Variants in CFAP97 observed in about 807,000 individuals in gnomAD.
The protein encoded by CFAP97 is cilia and flagella associated protein 97, also known as cilia- and flagella-associated protein 97.
A neutral mutation model predicts 43.1 loss-of-function variants in CFAP97; 36 were observed. The observed-to-expected ratio is 0.84, with a 90% confidence interval of 0.64 to 1.10. The LOEUF (loss-of-function observed/expected upper bound fraction) is 1.10. CFAP97 is among the 50% of genes least tolerant of loss of function. The pLI is 0.00. For missense variants in CFAP97, 657 were observed against 620.3 expected, an observed-to-expected ratio of 1.06 and a Z score of -0.63; for synonymous variants, 228 against 225.7, an observed-to-expected ratio of 1.01 and a Z score of -0.09.
chr4:185,192,733 C>CTTTTTTT (rs760026667), intron 1 of CFAP97, among the ~76,000 whole-genome samples: 53 of 81,416 alleles, frequency 6.5e-4, no homozygotes, highest in African/African-American at 1.6e-3. Flanking sequence ...AATTGACCTT[C>CTTTTTTT]TTTTTTTTTT....
rs149743568 is a variant in CFAP97 at position 185,196,057 on chromosome 4, C to T, written c.-16-4845G>A. Among the ~76,000 whole-genome samples, 25 of 152,234 alleles carry T rather than the reference C, an allele frequency of 1.6e-4. 1 individual carries two copies. Among genetic ancestry groups the T allele is most frequent in the African/African-American group, 4.8e-4 (20 of 41,548 alleles). Reference sequence around the variant, plus strand: ...TGTTTCTTCAAATTTCAAAAGTAAACGGTTTAATAGCATAGCCCAGAGCAA... The same window carrying T: ...TGTTTCTTCAAATTTCAAAAGTAAATGGTTTAATAGCATAGCCCAGAGCAA... On this transcript the variant is annotated intron_variant, in intron 1 of 4. Transcript: ENST00000458385.
Position 185,164,103 on chromosome 4 carries a change from C to T in CFAP97, c.1397G>A (p.Arg466His), listed in dbSNP as rs777547282. ...TGATGAGTTGAGATAGCCCATATTG[C>T]GATGATAGTCCATCAGTTGTTCTGA... is the stretch of plus-strand genomic sequence containing the variant. ...KRSEQLMDYH[R>H]NMGYLNSSPL... Residue 466 changes from arginine (R) to histidine (H), a missense_variant, in exon 4 of 5, where the codon CGC becomes CAC. Coordinates refer to ENST00000458385, the MANE Select transcript of CFAP97 (RefSeq NM_020827.3). 1.4e-5 allele frequency: 23 copies of T among 1,613,874 alleles called. No homozygotes were observed. The African/African-American group carries it at 2.8e-4, about 20-fold the overall frequency.
intron 1 of CFAP97, among the ~76,000 whole-genome samples, chr4:185,192,571 T>C (rs183351888): frequency 2.0e-5 from 3 of 152,050 alleles, no homozygotes; most frequent in South Asian, 2.1e-4. Context: ...TAATACTCCA[T>C]ACAGTTAAAT....
chr4:185,206,216 T>C (rs1453464624), upstream of CFAP97, among the ~76,000 whole-genome samples: 2 of 152,198 alleles, frequency 1.3e-5, no homozygotes, highest in African/African-American at 4.8e-5. Context: ...CCCATGTTCA[T>C]AGCAGAATAG....
intron 1 of CFAP97, 92 bp from the exon 2 acceptor site, chr4:185,191,304 AGTGT>A (rs1464412876): frequency 1.1e-6 from 1 of 914,142 alleles, no homozygotes; most frequent in East Asian, 2.8e-5. Flanking sequence ...CAAACTGACA[AGTGT>A]GTTTAATATA....
chr4:185,197,660 T>G (rs1482110571), intron 1 of CFAP97, among the ~76,000 whole-genome samples: 4 of 152,170 alleles, frequency 2.6e-5, no homozygotes, highest in Non-Finnish European at 5.9e-5. Context: ...TCTCCTGACC[T>G]CGGGATCCGC....
chr4:185,193,230 T>A (rs1041512800), intron 1 of CFAP97, among the ~76,000 whole-genome samples: 1 of 152,124 alleles, frequency 6.6e-6, no homozygotes, highest in Non-Finnish European at 1.5e-5. Flanking sequence ...ACTGTCCAAG[T>A]TGGACAATTC....
upstream of CFAP97, among the ~76,000 whole-genome samples, chr4:185,206,329 G>A (rs116813891): frequency 7.0e-4 from 106 of 152,262 alleles, no homozygotes; most frequent in African/African-American, 9.4e-4. Flanking sequence ...TGACTTGTGC[G>A]CCTCTGGTCC....
intron 3 of CFAP97, 76 bp downstream of exon 3, chr4:185,175,710 T>C: frequency 7.2e-7 from 1 of 1,390,038 alleles, no homozygotes; most frequent in Admixed American, 1.9e-5. Flanking sequence ...TGGCTGTATT[T>C]AGGTTTCCTG....
intron 1 of CFAP97, among the ~76,000 whole-genome samples, chr4:185,193,701 AT>A (rs1331554217): frequency 6.6e-6 from 1 of 152,154 alleles, no homozygotes; most frequent in Non-Finnish European, 1.5e-5. Context: ...CTATATTCAT[AT>A]TATAATTAAT....
At chr4:185,189,316 TCTA>T (rs1405113860) in intron 2 of CFAP97, among the ~76,000 whole-genome samples, 1 of 152,206 alleles carries the variant, frequency 6.6e-6, no homozygotes, top group Non-Finnish European at 1.5e-5. Flanking sequence ...TTGACCATTT[TCTA>T]CTAACAAGGT....
At chr4:185,171,672 G>GA (rs1340120822) in intron 3 of CFAP97, among the ~76,000 whole-genome samples, 1 of 152,118 alleles carries the variant, frequency 6.6e-6, no homozygotes, top group Non-Finnish European at 1.5e-5. Context: ...TGCTCATTCG[G>GA]AAAAAAGTTC....
chr4:185,197,876 T>A (rs969749032), intron 1 of CFAP97, among the ~76,000 whole-genome samples: 2 of 152,182 alleles, frequency 1.3e-5, no homozygotes, highest in Non-Finnish European at 2.9e-5. Flanking sequence ...TTGCACCAGT[T>A]AGCCAAGTTG....
chr4:185,159,742 G>GA lies in CFAP97; in HGVS notation c.*3055dup, dbSNP rs1734810526. 2.0e-5 allele frequency: 3 copies of GA among 152,150 alleles called. No homozygotes were observed. In the South Asian group the frequency reaches 6.2e-4, roughly 32 times the overall value. 9.4% of individuals were successfully genotyped at this position (152,150 alleles called of 1,614,324 possible). A position where few individuals can be genotyped will look rare whatever the true frequency, so the allele number is the denominator to read the frequency against. ...GCCTAAAATACATTAAAATGGAACA[G>GA]AAAATCTTAAAAGGATGTTAATTTT... On this transcript the variant is annotated 3_prime_UTR_variant, in exon 5 of 5. Coordinates refer to ENST00000458385, the MANE Select transcript of CFAP97 (RefSeq NM_020827.3).
intron 2 of CFAP97, among the ~76,000 whole-genome samples, chr4:185,189,094 A>G (rs1406498307): frequency 6.6e-6 from 1 of 152,130 alleles, no homozygotes; most frequent in Non-Finnish European, 1.5e-5. Flanking sequence ...AATATTAGCC[A>G]GGTGTGGTGG....
At chr4:185,192,772 G>T (rs1165687745) in intron 1 of CFAP97, among the ~76,000 whole-genome samples, 1 of 109,060 alleles carries the variant, frequency 9.2e-6, no homozygotes, top group African/African-American at 4.2e-5. Flanking sequence ...ACGGAGTCTC[G>T]CTCTGTCACC....
At position 185,160,160 on chromosome 4, in the gene CFAP97, C is replaced by G. The variant is rs950398683; in HGVS notation, c.*2638G>C. The G allele has an allele frequency of 6.6e-6, 1 of 152,158 alleles. No homozygotes were observed. Among genetic ancestry groups the G allele is most frequent in the Admixed American group, 6.5e-5 (1 of 15,274 alleles). The allele number at this position is 152,158 out of a possible 1,614,324, so 9.4% of individuals were successfully genotyped here. On this transcript the variant is annotated 3_prime_UTR_variant, in exon 5 of 5. Transcript: ENST00000458385. ...CTAAGAAAACAGCTTTTTATGGAAA[C>G]TGAAAAAGAGAGCAGAGGAAGTATA...
chr4:185,174,211 C>A (rs1735426282), intron 3 of CFAP97, among the ~76,000 whole-genome samples: 2 of 151,200 alleles, frequency 1.3e-5, no homozygotes, highest in African/African-American at 4.9e-5. Flanking sequence ...CGGCCCAGAG[C>A]CAGGTGTGAG....
At chr4:185,208,309 C>G (rs1304733008), upstream of CFAP97, among the ~76,000 whole-genome samples, 1 of 151,988 alleles carries the variant, frequency 6.6e-6, no homozygotes, top group East Asian at 1.9e-4. Flanking sequence ...AGCCACCGTG[C>G]CCGCCCCTAT....
Sources: gnomAD v4.1 joint callset for allele counts (sites outside exome capture counted in the v4.1 genomes callset) on GRCh38, gnomAD v4.1.1 for gene constraint, MANE v1.5 for transcripts, NCBI Gene and HGNC (gene_info 2026-07-23, HGNC 2026-07-21) for gene names.